The following TMEM132B variants were observed in gnomAD, a reference collection of about 807,000 sequenced individuals.
TMEM132B encodes the protein transmembrane protein 132B.
Under a neutral mutation model 90.8 loss-of-function variants are expected in TMEM132B, and 18 were observed. That is an observed-to-expected ratio of 0.20 (90% confidence interval 0.14 to 0.29). TMEM132B has a LOEUF of 0.29. Among genes scored for constraint, TMEM132B ranks in the 10% least tolerant of loss-of-function variants. The probability of loss-of-function intolerance (pLI) is 1.00; values close to 1 mark genes in which losing one functional copy is unlikely to be tolerated. For synonymous variants in TMEM132B, 504 were observed against 523.3 expected, an observed-to-expected ratio of 0.96 and a Z score of 0.50; for missense variants, 1,096 against 1,326.8, an observed-to-expected ratio of 0.83 and a Z score of 2.70.
intron 1 of TMEM132B, among the ~76,000 whole-genome samples, chr12:125,325,436 C>T (rs940151159): frequency 5.9e-5 from 9 of 152,154 alleles, no homozygotes; most frequent in African/African-American, 1.7e-4. Flanking sequence ...GAAGTAATGA[C>T]AATATCGGAG....
At position 125,277,105 on chromosome 12, in the gene TMEM132B, G is replaced by C. The variant is rs1875012346; in HGVS notation, c.68-72347G>C. The stretch of plus-strand genomic sequence containing the variant: ...TTGTGAACATGACCTAGTTGGGAAA[G>C]AGTGTCTTTGCATATGTGGTCAAGT... On this transcript the variant is annotated intron_variant, in intron 1 of 8. Transcript: ENST00000682704. This position sits in a 1 kb window ranked among gnomAD's most constrained non-coding sequence, Gnocchi z 4.3. Among the ~76,000 whole-genome samples the C allele has an allele frequency of 6.6e-6, 1 of 152,186 alleles. No individual in the cohort carries two copies. Among genetic ancestry groups the C allele is most frequent in the South Asian group, 2.1e-4 (1 of 4,826 alleles).
At chr12:125,374,421 C>T (rs1878411267) in intron 2 of TMEM132B, among the ~76,000 whole-genome samples, 1 of 146,352 alleles carries the variant, frequency 6.8e-6, no homozygotes, top group East Asian at 1.9e-4. Context: ...ACTCAGCTCA[C>T]CCACAAACAT....
rs552764940 is a variant in TMEM132B, at chr12:125,408,542, G to A, written c.960-6989G>A. On this transcript the variant is annotated intron_variant, in intron 2 of 8. Transcript: ENST00000682704. This position sits in a 1 kb window ranked among gnomAD's most constrained non-coding sequence, Gnocchi z 5.9. ...TCTTGCTCTTGGACTTCAGCCTCCA[G>A]AACTGTGAGAAATAAATTTCTGTTG... Among the ~76,000 whole-genome samples, 2 of 152,332 alleles carry A rather than the reference G, an allele frequency of 1.3e-5. No individual in the cohort carries two copies. Among genetic ancestry groups the A allele is most frequent in the Non-Finnish European group, 2.9e-5 (2 of 68,028 alleles).
chr12:125,385,721 C>A (rs1878810655), intron 2 of TMEM132B, among the ~76,000 whole-genome samples: 1 of 152,250 alleles, frequency 6.6e-6, no homozygotes, highest in East Asian at 1.9e-4. Context: ...CTAGTGAATG[C>A]CAGGGGCTTA....
At chr12:125,359,068 A>C (rs1481217554) in intron 2 of TMEM132B, among the ~76,000 whole-genome samples, 1 of 152,222 alleles carries the variant, frequency 6.6e-6, no homozygotes, top group African/African-American at 2.4e-5. Context: ...CTCCGTAATG[A>C]TGTGCAGCTC....
intron 1 of TMEM132B, among the ~76,000 whole-genome samples, chr12:125,211,885 C>T (rs762580145): frequency 6.6e-5 from 10 of 152,220 alleles, no homozygotes; most frequent in Non-Finnish European, 1.2e-4. Flanking sequence ...GAGCAGGTCT[C>T]AGGGCGTGTA....
At position 125,576,731 on chromosome 12, in the gene TMEM132B, C is replaced by T. The variant is rs116909354; in HGVS notation, c.1294-7120C>T. Among the ~76,000 whole-genome samples the T allele has an allele frequency of 3.5e-4, 53 of 152,062 alleles. No homozygotes were observed. In the East Asian group the frequency reaches 8.7e-3, roughly 25 times the overall value. On this transcript the variant is annotated intron_variant, in intron 4 of 8. Transcript: ENST00000682704. The stretch of plus-strand genomic sequence containing the variant: ...CATGTCTTGAGATGATCCAGACATA[C>T]ATTTTGGTCCTTTGTTCTATAATTA...
chr12:125,347,323 C>T (rs961474647), intron 1 of TMEM132B, among the ~76,000 whole-genome samples: 4 of 152,148 alleles, frequency 2.6e-5, no homozygotes, highest in Non-Finnish European at 5.9e-5. Context: ...TAAGTAATTA[C>T]CCTGCTGGAG....
intron 1 of TMEM132B, among the ~76,000 whole-genome samples, chr12:125,232,298 T>G (rs901456149): frequency 1.3e-5 from 2 of 152,230 alleles, no homozygotes; most frequent in Non-Finnish European, 2.9e-5. Flanking sequence ...TAATTCTTTT[T>G]GGAGCTCTCC....
At chr12:125,589,220 C>G (rs1032590359) in intron 5 of TMEM132B, among the ~76,000 whole-genome samples, 26 of 152,004 alleles carry the variant, frequency 1.7e-4, no homozygotes, top group Admixed American at 1.6e-3. Flanking sequence ...CGGTGGCTCA[C>G]GCCTGTAATC....
At chr12:125,243,074 T>C (rs1874120697) in intron 1 of TMEM132B, among the ~76,000 whole-genome samples, 1 of 143,352 alleles carries the variant, frequency 7.0e-6, no homozygotes, top group Non-Finnish European at 1.5e-5. Context: ...CACACACATA[T>C]ACATATATAC....
At chr12:125,337,866 C>T (rs1877023138) in intron 1 of TMEM132B, among the ~76,000 whole-genome samples, 1 of 152,196 alleles carries the variant, frequency 6.6e-6, no homozygotes, top group Non-Finnish European at 1.5e-5. Context: ...TCTTCCATTC[C>T]TCTATATCCT....
At chr12:125,431,776 G>A (rs1050859276) in intron 3 of TMEM132B, among the ~76,000 whole-genome samples, 1 of 152,164 alleles carries the variant, frequency 6.6e-6, no homozygotes, top group Non-Finnish European at 1.5e-5. Flanking sequence ...AGTGAATGGC[G>A]AGGTGGGACA....
intron 4 of TMEM132B, among the ~76,000 whole-genome samples, chr12:125,548,844 A>G (rs772368067): frequency 6.6e-6 from 1 of 152,212 alleles, no homozygotes; most frequent in Non-Finnish European, 1.5e-5. Context: ...TCCAGGCAAG[A>G]CACGATGGTG....
chr12:125,264,772 C>T (rs573395322), intron 1 of TMEM132B, among the ~76,000 whole-genome samples: 17 of 152,222 alleles, frequency 1.1e-4, no homozygotes, highest in Admixed American at 2.0e-4. Context: ...TTCACCCCCT[C>T]GATTATAAAG....
chr12:125,245,730 G>A (rs1470573308), intron 1 of TMEM132B, among the ~76,000 whole-genome samples: 1 of 152,158 alleles, frequency 6.6e-6, no homozygotes, highest in African/African-American at 2.4e-5. Context: ...TGGCAGCATT[G>A]GTTCTTCTGC....
chr12:125,455,786 GC>G (rs904848878), intron 3 of TMEM132B, among the ~76,000 whole-genome samples: 23 of 152,034 alleles, frequency 1.5e-4, no homozygotes, highest in African/African-American at 5.6e-4. Flanking sequence ...ATGATTTCTG[GC>G]CAGGGAGTTG....
At chr12:125,279,062 G>A (rs961552398) in intron 1 of TMEM132B, among the ~76,000 whole-genome samples, 1 of 152,208 alleles carries the variant, frequency 6.6e-6, no homozygotes, top group African/African-American at 2.4e-5. Flanking sequence ...ACAGACAGGG[G>A]TCATTGGTAG....
intron 3 of TMEM132B, among the ~76,000 whole-genome samples, chr12:125,416,461 C>T (rs914824279): frequency 1.3e-5 from 2 of 152,266 alleles, no homozygotes; most frequent in African/African-American, 4.8e-5. Context: ...GAGTTTGTTG[C>T]TTATCACCAT....
Sources: gnomAD v4.1 joint callset for allele counts (sites outside exome capture counted in the v4.1 genomes callset) on GRCh38, gnomAD v4.1.1 for gene constraint, Gnocchi (gnomAD v3.1) non-coding constraint, MANE v1.5 for transcripts, NCBI Gene and HGNC (gene_info 2026-07-23, HGNC 2026-07-21) for gene names.